Variants in PNPLA7 observed in about 807,000 individuals in gnomAD.
The protein encoded by PNPLA7 is patatin like domain 7, lysophospholipase, also known as patatin-like phospholipase domain-containing protein 7.
A neutral mutation model predicts 161.7 loss-of-function variants in PNPLA7; 153 were observed. The observed-to-expected ratio is 0.95, with a 90% CI of 0.83 to 1.08. PNPLA7 has a LOEUF of 1.08. Among genes scored for constraint, PNPLA7 ranks in the 50% least tolerant of loss-of-function variants. The pLI is 0.00. For synonymous variants in PNPLA7, 809 were observed against 782.1 expected (o/e 1.03, Z -0.57); for missense variants, 1,739 against 1,856.6 (o/e 0.94, Z 1.16).
At chr9:137,462,124 G>A in intron 31 of PNPLA7, 55 bp downstream of exon 31, 2 of 1,524,134 alleles carry the variant, frequency 1.3e-6, no homozygotes, top group Non-Finnish European at 1.8e-6. Context: ...GCGAGGAGGG[G>A]CAGCCACCAG....
intron 20 of PNPLA7, 134 bp from the exon 21 acceptor site, chr9:137,484,870 C>A (rs1254701332): frequency 9.0e-7 from 1 of 1,112,324 alleles, no homozygotes; most frequent in Non-Finnish European, 1.2e-6. Flanking sequence ...CCCGCCTCCC[C>A]AGTCCTGAGG....
At chr9:137,492,070 C>A (rs1042740585) in intron 20 of PNPLA7, 1 of 985,232 alleles carries the variant, frequency 1.0e-6, no homozygotes, top group Non-Finnish European at 1.2e-6. Context: ...CAAATGCTGT[C>A]CAGCAGAGAT....
Position 137,461,925 on chromosome 9 carries a change from A to G in PNPLA7, c.3756+6T>C, listed in dbSNP as rs1163750847. On this transcript the variant is annotated splice_donor_region_variant and intron_variant, in intron 32 of 34. Transcript: ENST00000406427. Reference sequence around the variant, plus strand: ...AGCTGGGCGTGGTCCGGACGCCCGTACTCACCGCACTCGCGGGCTTCTTGC... The same window carrying G: ...AGCTGGGCGTGGTCCGGACGCCCGTGCTCACCGCACTCGCGGGCTTCTTGC... 8 of 1,559,628 alleles carry G rather than the reference A, an allele frequency of 5.1e-6. No homozygotes were observed. Among genetic ancestry groups the G allele is most frequent in the Non-Finnish European group, 6.9e-6 (8 of 1,158,256 alleles).
In PNPLA7 at chr9:137,540,816, C is replaced by A. The variant is rs1466255672; in HGVS notation, c.667-94G>T. ...AGCCCAGCCCAGGGCAGTGGGGCCA[C>A]GGGCCTGCACCTCTGAGGCGCCATG... On this transcript the variant is annotated intron_variant, in intron 7 of 34. Coordinates refer to ENST00000406427, the MANE Select transcript of PNPLA7 (RefSeq NM_001098537.3). This position sits in a 1 kb window ranked among gnomAD's most constrained non-coding sequence, Gnocchi z 5.1. The A allele has an allele frequency of 2.7e-6, 3 of 1,109,978 alleles. No homozygotes were observed. The highest frequency in any genetic ancestry group is 4.0e-5 in the Admixed American group (2 of 50,184). The allele number at this position is 1,109,978 out of a possible 1,614,324, so 68.8% of individuals were successfully genotyped here.
At position 137,460,130 on chromosome 9, in the gene PNPLA7, A is replaced by T; in HGVS notation, c.*263T>A. On this transcript the variant is annotated 3_prime_UTR_variant, in exon 35 of 35. Transcript: ENST00000406427. ...CTCACAGGGCTTCGGGGGGCCTCAC[A>T]GGGCTGCAGGGGGTTCACAGAGCTT... 1 of 379,110 alleles carries T rather than the reference A, an allele frequency of 2.6e-6. No homozygotes were observed. Among genetic ancestry groups the T allele is most frequent in the Non-Finnish European group, 4.9e-6 (1 of 202,310 alleles). The allele number at this position is 379,110 out of a possible 1,614,324, so 23.5% of individuals were successfully genotyped here.
In PNPLA7 at chr9:137,547,400, G is replaced by T. The variant is rs754907513; in HGVS notation, c.106-4C>A. On this transcript the variant is annotated splice_region_variant and splice_polypyrimidine_tract_variant and intron_variant, in intron 2 of 34. Transcript: ENST00000406427. The surrounding 1 kb of genome is among the most constrained non-coding windows in gnomAD (Gnocchi z 4.6). ...CTCCAACTGCAATCCCCGTCAGCTG[G>T]CCGAGAGTGGAAACACGGCGCCCAT... 2.5e-6 allele frequency: 4 copies of T among 1,613,242 alleles called. No homozygotes were observed. The Admixed American group carries it at 6.7e-5, about 27-fold the overall frequency.
chr9:137,491,702 C>T lies in PNPLA7; in HGVS notation c.2197+1311G>A, dbSNP rs998087655. On this transcript the variant is annotated intron_variant, in intron 20 of 34. Transcript: ENST00000406427. ...TAGAGTGGGGCTCACACTTCGCTGC[C>T]TCTGTGTGGCCCTCTGTGCATCCAT... 4 of 985,280 alleles carry T rather than the reference C, an allele frequency of 4.1e-6. No individual in the cohort carries two copies. In the African/African-American group the frequency reaches 5.2e-5, roughly 13 times the overall value. 61.0% of individuals were successfully genotyped at this position (985,280 alleles called of 1,614,324 possible). A position where few individuals can be genotyped will look rare whatever the true frequency, so the allele number is the denominator to read the frequency against.
At position 137,486,277 on chromosome 9, in the gene PNPLA7, G is replaced by A. The variant is rs989842328; in HGVS notation, c.2198-1541C>T. 1.3e-5 allele frequency among the ~76,000 whole-genome samples: 2 copies of A among 152,096 alleles called. No homozygotes were observed. Among genetic ancestry groups the A allele is most frequent in the East Asian group, 1.9e-4 (1 of 5,184 alleles). On this transcript the variant is annotated intron_variant, in intron 20 of 34. Transcript: ENST00000406427. This position sits in a 1 kb window ranked among gnomAD's most constrained non-coding sequence, Gnocchi z 6.0. ...TTAAGGGCCACTCCCTGCAGACGGC[G>A]GCCAGCGGACACCTGCAAGATCCTG...
intron 4 of PNPLA7, among the ~76,000 whole-genome samples, chr9:137,544,313 C>T (rs1176265613): frequency 6.6e-6 from 1 of 152,206 alleles, no homozygotes; most frequent in Admixed American, 6.5e-5. Flanking sequence ...TGGGTCACAC[C>T]CTGCATGCTG....
intron 18 of PNPLA7, 82 bp from the exon 19 acceptor site, chr9:137,495,228 C>T: frequency 1.0e-6 from 1 of 955,760 alleles, no homozygotes; most frequent in South Asian, 1.6e-5. Context: ...CCTCCGGTGC[C>T]TGCCAGAGCC....
At chr9:137,503,828 G>GGAA (rs1393579684) in intron 14 of PNPLA7, among the ~76,000 whole-genome samples, 2 of 24,006 alleles carry the variant, frequency 8.3e-5, no homozygotes, top group African/African-American at 1.5e-4. Context: ...GAAGGAAGAA[G>GGAA]AAAGAAGCAA....
At chr9:137,535,488 C>T (rs1835833854) in intron 8 of PNPLA7, among the ~76,000 whole-genome samples, 1 of 152,200 alleles carries the variant, frequency 6.6e-6, no homozygotes, top group Admixed American at 6.5e-5. Context: ...GGCGCAGTGG[C>T]TCACACCTGT....
At position 137,537,319 on chromosome 9, in the gene PNPLA7, A is replaced by AT. The variant is rs948989497; in HGVS notation, c.747+3322dup. ...ATTACCTCTCTCAGATATCACCCCC[A>AT]TTTTTTTTTTTGAGACAGAGTTGGA... On this transcript the variant is annotated intron_variant, in intron 8 of 34. Transcript: ENST00000406427. The surrounding 1 kb of genome is among the most constrained non-coding windows in gnomAD (Gnocchi z 4.5). Among the ~76,000 whole-genome samples the AT allele has an allele frequency of 4.2e-4, 62 of 146,506 alleles. No individual in the cohort carries two copies. The highest frequency in any genetic ancestry group is 3.6e-3 in the Middle Eastern group (1 of 280).
intron 20 of PNPLA7, among the ~76,000 whole-genome samples, chr9:137,488,492 G>C (rs1832605710): frequency 6.6e-6 from 1 of 152,242 alleles, no homozygotes; most frequent in Non-Finnish European, 1.5e-5. Flanking sequence ...ATCAGAGAGG[G>C]ACAGAGCTCG....
rs1198142426 is a variant in PNPLA7, at chr9:137,520,137, C to T, written c.958-94G>A. The T allele has an allele frequency of 2.6e-6, 4 of 1,543,202 alleles. No individual in the cohort carries two copies. Among genetic ancestry groups the T allele is most frequent in the Admixed American group, 3.7e-5 (2 of 54,372 alleles). On this transcript the variant is annotated intron_variant, in intron 10 of 34. Transcript: ENST00000406427. This position sits in a 1 kb window ranked among gnomAD's most constrained non-coding sequence, Gnocchi z 5.2. ...CTCAAAGGTGTGACAGGTGTGGGCT[C>T]CTCAAAGGTGTGACAGGTGTGGGCC...
chr9:137,533,755 C>T (rs543160993), intron 8 of PNPLA7, among the ~76,000 whole-genome samples: 27 of 150,358 alleles, frequency 1.8e-4, no homozygotes, highest in South Asian at 8.5e-4. Flanking sequence ...CTCCCAGAAT[C>T]CTCCACAACA....
intron 15 of PNPLA7, among the ~76,000 whole-genome samples, chr9:137,501,432 G>C (rs1294771747): frequency 6.6e-6 from 1 of 152,238 alleles, no homozygotes; most frequent in East Asian, 1.9e-4. Context: ...GGTGCGAGCA[G>C]AAGGGCCAGT....
At position 137,468,802 on chromosome 9, in the gene PNPLA7, T is replaced by C. The variant is rs893217013; in HGVS notation, c.2883-1329A>G. Among the ~76,000 whole-genome samples the C allele has an allele frequency of 1.3e-5, 2 of 152,060 alleles. No individual in the cohort carries two copies. The highest frequency in any genetic ancestry group is 2.9e-5 in the Non-Finnish European group (2 of 68,012). On this transcript the variant is annotated intron_variant, in intron 25 of 34. Transcript: ENST00000406427. This position sits in a 1 kb window ranked among gnomAD's most constrained non-coding sequence, Gnocchi z 4.0. Reference sequence around the variant, plus strand: ...TCATTTCACGACATTGTAACAACATTGTATCATTAATTATATTAATATGAT... The same window carrying C: ...TCATTTCACGACATTGTAACAACATCGTATCATTAATTATATTAATATGAT...
chr9:137,489,609 G>C (rs1300854609), intron 20 of PNPLA7, among the ~76,000 whole-genome samples: 1 of 152,172 alleles, frequency 6.6e-6, no homozygotes, highest in Non-Finnish European at 1.5e-5. Context: ...TTACCAGCTA[G>C]AACCAGCAAT....
Sources: allele counts gnomAD v4.1 joint callset (sites outside exome capture counted in the v4.1 genomes callset), GRCh38; gene constraint gnomAD v4.1.1; non-coding constraint Gnocchi (gnomAD v3.1); transcripts MANE v1.5; gene names NCBI Gene and HGNC (gene_info 2026-07-23, HGNC 2026-07-21).